CADM2: variants seen among roughly 807,000 people sequenced by gnomAD.
The protein encoded by CADM2 is cell adhesion molecule 2, also known as immunoglobulin superfamily member 4D.
A neutral mutation model predicts 49.8 loss-of-function variants in CADM2; 12 were observed. The ratio of observed to expected loss-of-function variants is 0.24; its 90% CI spans 0.15 to 0.39. The LOEUF (loss-of-function observed/expected upper bound fraction) is 0.39. CADM2 is among the 10% of genes least tolerant of loss of function. The pLI is 1.00. For missense variants in CADM2, 378 were observed against 492.3 expected (o/e 0.77, Z 2.20); for synonymous variants, 214 against 175.4 (o/e 1.22, Z -1.74).
intron 1 of CADM2, among the ~76,000 whole-genome samples, chr3:85,296,181 C>T (rs1228450280): frequency 6.6e-6 from 1 of 151,912 alleles, no homozygotes; most frequent in Non-Finnish European, 1.5e-5. Context: ...GCAGCAGTAA[C>T]ATTTGTCCAG....
intron 1 of CADM2, among the ~76,000 whole-genome samples, chr3:85,256,773 T>G (rs550725368): frequency 6.6e-6 from 1 of 152,234 alleles, no homozygotes; most frequent in African/African-American, 2.4e-5. Flanking sequence ...CTGTTTTGGT[T>G]GTTTTATTGC....
At chr3:85,798,550 G>A (rs1465828212) in intron 2 of CADM2, among the ~76,000 whole-genome samples, 3 of 152,024 alleles carry the variant, frequency 2.0e-5, no homozygotes, top group Non-Finnish European at 4.4e-5. Flanking sequence ...GCTTCTTTTT[G>A]TCACGTTTGT....
intron 1 of CADM2, among the ~76,000 whole-genome samples, chr3:84,976,868 A>G (rs957477750): frequency 2.6e-5 from 4 of 151,928 alleles, no homozygotes; most frequent in African/African-American, 9.7e-5. Flanking sequence ...AAACTTCTGT[A>G]GAAGACTTTT....
At chr3:85,341,823 C>T (rs2045247119) in intron 1 of CADM2, among the ~76,000 whole-genome samples, 1 of 152,034 alleles carries the variant, frequency 6.6e-6, no homozygotes, top group African/African-American at 2.4e-5. Context: ...TATTGAATAT[C>T]ATTTACTTGG....
At chr3:85,582,167 G>A (rs1012383222) in intron 1 of CADM2, among the ~76,000 whole-genome samples, 2 of 151,938 alleles carry the variant, frequency 1.3e-5, no homozygotes, top group African/African-American at 4.8e-5. Flanking sequence ...CTCATGATCC[G>A]CCTGCCTCAG....
intron 1 of CADM2, among the ~76,000 whole-genome samples, chr3:85,193,011 A>T (rs1290944576): frequency 6.6e-6 from 1 of 152,122 alleles, no homozygotes; most frequent in Admixed American, 6.6e-5. Context: ...GCTATCCAGA[A>T]AGGGAGATGC....
At chr3:85,529,178 G>A (rs545587998) in intron 1 of CADM2, among the ~76,000 whole-genome samples, 2 of 152,274 alleles carry the variant, frequency 1.3e-5, no homozygotes, top group African/African-American at 4.8e-5. Flanking sequence ...ATAAAGAGAT[G>A]AGAACTTAAG....
intron 1 of CADM2, among the ~76,000 whole-genome samples, chr3:85,127,725 C>T (rs1231034003): frequency 6.6e-6 from 1 of 152,128 alleles, no homozygotes; most frequent in Non-Finnish European, 1.5e-5. Flanking sequence ...ATCATCCTGG[C>T]TTCTGTATAC....
At chr3:85,219,887 A>G (rs1253493028) in intron 1 of CADM2, among the ~76,000 whole-genome samples, 1 of 152,180 alleles carries the variant, frequency 6.6e-6, no homozygotes, top group African/African-American at 2.4e-5. Flanking sequence ...ACAACTGCAT[A>G]CAATTTGAGG....
At chr3:85,264,943 T>C (rs1431105276) in intron 1 of CADM2, among the ~76,000 whole-genome samples, 2 of 151,988 alleles carry the variant, frequency 1.3e-5, no homozygotes, top group Admixed American at 1.3e-4. Flanking sequence ...ATATAATAAA[T>C]CCTGACTTTG....
At chr3:85,266,089 A>G (rs1278608219) in intron 1 of CADM2, among the ~76,000 whole-genome samples, 1 of 151,876 alleles carries the variant, frequency 6.6e-6, no homozygotes, top group Non-Finnish European at 1.5e-5. Flanking sequence ...TGAATGCATA[A>G]ATGTCTCGAT....
chr3:85,630,364 C>T (rs2064270741), intron 1 of CADM2, among the ~76,000 whole-genome samples: 2 of 151,940 alleles, frequency 1.3e-5, no homozygotes, highest in South Asian at 4.2e-4. Flanking sequence ...TTACAACTGG[C>T]ACACAGTGAC....
intron 1 of CADM2, among the ~76,000 whole-genome samples, chr3:85,568,728 G>A (rs560772892): frequency 4.0e-5 from 6 of 149,510 alleles, no homozygotes; most frequent in Admixed American, 2.7e-4. Context: ...TCAGCCTCCC[G>A]AGTAGCTAGG....
At chr3:85,709,609 A>T (rs906360745) in intron 1 of CADM2, among the ~76,000 whole-genome samples, 2 of 152,140 alleles carry the variant, frequency 1.3e-5, no homozygotes, top group African/African-American at 4.8e-5. Flanking sequence ...GACTGAATTT[A>T]AATGGCATAA....
intron 8 of CADM2, among the ~76,000 whole-genome samples, chr3:86,036,584 C>T (rs1304880692): frequency 2.0e-5 from 3 of 152,078 alleles, no homozygotes; most frequent in Non-Finnish European, 4.4e-5. Flanking sequence ...TCCAGGACTC[C>T]AAATTTGGCA....
chr3:85,362,432 G>T (rs535901863), intron 1 of CADM2, among the ~76,000 whole-genome samples: 8 of 152,070 alleles, frequency 5.3e-5, no homozygotes, highest in African/African-American at 1.9e-4. Context: ...CATTTGAAGC[G>T]TATAAAATTA....
chr3:85,104,061 A>G (rs2038116908), intron 1 of CADM2, among the ~76,000 whole-genome samples: 1 of 152,032 alleles, frequency 6.6e-6, no homozygotes, highest in Admixed American at 6.6e-5. Flanking sequence ...ATTAGATCCC[A>G]TTTGTCAATT....
intron 1 of CADM2, among the ~76,000 whole-genome samples, chr3:85,011,749 A>C (rs2034003353): frequency 6.6e-6 from 1 of 151,990 alleles, no homozygotes; most frequent in Admixed American, 6.6e-5. Context: ...AGCCAGGCAG[A>C]TATAGTGGAA....
chr3:85,365,026 T>C (rs2032648173), intron 1 of CADM2, among the ~76,000 whole-genome samples: 1 of 152,160 alleles, frequency 6.6e-6, no homozygotes, highest in South Asian at 2.1e-4. Flanking sequence ...TTAGATCTTT[T>C]ATGTTCTTAA....
Sources: gnomAD v4.1 joint callset for allele counts (sites outside exome capture counted in the v4.1 genomes callset) on GRCh38, gnomAD v4.1.1 for gene constraint, MANE v1.5 for transcripts, NCBI Gene and HGNC (gene_info 2026-07-23, HGNC 2026-07-21) for gene names.